The following SLC24A1 variants were observed in gnomAD, a reference collection of about 807,000 sequenced individuals.
SLC24A1 encodes the protein sodium/potassium/calcium exchanger 1.
In SLC24A1, 52 loss-of-function variants were observed where a neutral mutation model predicts 88.1. The ratio of observed to expected loss-of-function variants is 0.59; its 90% CI spans 0.47 to 0.74. The LOEUF (loss-of-function observed/expected upper bound fraction) is 0.74, where lower values mean the gene tolerates loss of function less well. SLC24A1 is among the 30% of genes least tolerant of loss of function. SLC24A1 has a pLI of 0.00. For synonymous variants in SLC24A1, 455 were observed against 498.0 expected (o/e 0.91, Z 1.15); for missense variants, 1,173 against 1,363.3 (o/e 0.86, Z 2.20).
rs115428653 is a variant in SLC24A1 at position 65,632,965 on chromosome 15, G to A, written c.1891-5163G>A. On this transcript the variant is annotated intron_variant, in intron 2 of 9. Transcript: ENST00000261892. ...GTAAAGCAGTAGTTTACACTATCAC[G>A]TGTAATGGTATAGGTAAGTGCTGAG... Among the ~76,000 whole-genome samples the A allele has an allele frequency of 6.4e-3, 975 of 152,330 alleles. 9 individuals carry two copies. Among genetic ancestry groups the A allele is most frequent in the African/African-American group, 0.022 (931 of 41,556 alleles).
At chr15:65,653,573 A>G (rs897610651) in intron 9 of SLC24A1, among the ~76,000 whole-genome samples, 4 of 152,138 alleles carry the variant, frequency 2.6e-5, no homozygotes, top group African/African-American at 9.7e-5. Flanking sequence ...AAGTATGCAG[A>G]AAATAAAAAC....
At chr15:65,637,013 G>T (rs1282138136) in intron 2 of SLC24A1, among the ~76,000 whole-genome samples, 1 of 151,732 alleles carries the variant, frequency 6.6e-6, no homozygotes, top group African/African-American at 2.4e-5. Context: ...ACAGATAACT[G>T]TAAGTTCATT....
intron 2 of SLC24A1, among the ~76,000 whole-genome samples, chr15:65,628,933 T>C (rs2074610826): frequency 6.6e-6 from 1 of 152,230 alleles, no homozygotes; most frequent in Non-Finnish European, 1.5e-5. Flanking sequence ...AGTGAATGGA[T>C]GAGCTATGTA....
chr15:65,643,771 G>T (rs1279367618), intron 4 of SLC24A1, among the ~76,000 whole-genome samples: 1 of 152,240 alleles, frequency 6.6e-6, no homozygotes, highest in African/African-American at 2.4e-5. Flanking sequence ...TCTGAAGGAG[G>T]CCCTTCTCGG....
In SLC24A1 at chr15:65,625,725, G is replaced by A. The variant is rs754198430; in HGVS notation, c.1645G>A (p.Glu549Lys). The A allele has an allele frequency of 1.2e-6, 2 of 1,614,024 alleles. No homozygotes were observed. The highest frequency in any genetic ancestry group is 8.5e-7 in the Non-Finnish European group (1 of 1,179,900). ...VIGTCSLFSREILNLTWWPLF... is the reference protein window; with the variant it reads ...VIGTCSLFSRKILNLTWWPLF... ...TGGCACTTGTTCCCTCTTCTCCCGA[G>A]AGATCCTCAACCTCACCTGGTGGCC... Residue 549 changes from glutamate to lysine, a missense_variant, in exon 2 of 10, where the codon GAG (glutamate) becomes AAG (lysine). Physicochemically the swap from Glu to Lys is moderately conservative, Grantham distance 56. Coordinates refer to ENST00000261892, the MANE Select transcript of SLC24A1 (RefSeq NM_004727.3).
chr15:65,650,765 G>A lies in SLC24A1; in HGVS notation c.2616G>A (p.Glu872=), dbSNP rs772502851. The stretch of plus-strand genomic sequence containing the variant: ...AGGAGGAGGAAGAGCAGGAGGAAGA[G>A]GAGGAGGAGGAAGAGCAGGAGGAAG... ...EEEEEEEQEE[E]EEEEEQEEEE... is the part of the protein sequence containing the mutation. Residue 872 remains glutamate, a synonymous_variant, in exon 7 of 10, where the codon GAG becomes GAA. Transcript: ENST00000261892. The surrounding 1 kb of genome is among the most constrained non-coding windows in gnomAD (Gnocchi z 4.1). The A allele has an allele frequency of 1.9e-6, 3 of 1,603,994 alleles. No homozygotes were observed. In the South Asian group the frequency reaches 3.3e-5, roughly 18 times the overall value.
At chr15:65,638,228 AG>A (rs757821963) in intron 3 of SLC24A1, 47 bp downstream of exon 3, 1 of 1,301,146 alleles carries the variant, frequency 7.7e-7, no homozygotes, top group South Asian at 1.2e-5. Context: ...GCAGGGTCTC[AG>A]TGGATGATCA....
chr15:65,638,297 A>G (rs1024308203), intron 3 of SLC24A1, 116 bp downstream of exon 3: 4 of 750,436 alleles, frequency 5.3e-6, no homozygotes, highest in Non-Finnish European at 9.2e-6. Context: ...AGGCCTAGGA[A>G]ACTCCTGGGA....
rs763504735 is a variant in SLC24A1, at chr15:65,650,789, AGAG to A, written c.2658_2660del (p.Glu890del). 732 of 1,566,100 alleles carry A rather than the reference AGAG, an allele frequency of 4.7e-4. No homozygotes were observed. Among genetic ancestry groups the A allele is most frequent in the Admixed American group, 1.3e-3 (73 of 57,500 alleles). On this transcript the variant is annotated inframe_deletion, in exon 7 of 10. Transcript: ENST00000261892. The surrounding 1 kb of genome is among the most constrained non-coding windows in gnomAD (Gnocchi z 4.1). Reference sequence around the variant, plus strand: ...AGGAGGAGGAGGAAGAGCAGGAGGAAGAGGAGGAGGAGGAGGAGGAAGAGGAGG... The same window carrying A: ...AGGAGGAGGAGGAAGAGCAGGAGGAAGAGGAGGAGGAGGAGGAAGAGGAGG...
chr15:65,629,257 T>C (rs1471498613), intron 2 of SLC24A1, among the ~76,000 whole-genome samples: 1 of 152,228 alleles, frequency 6.6e-6, no homozygotes, highest in Non-Finnish European at 1.5e-5. Context: ...TATTCTGCCC[T>C]GAGTATCTAG....
intron 4 of SLC24A1, among the ~76,000 whole-genome samples, chr15:65,641,476 A>G (rs2075127918): frequency 6.6e-6 from 1 of 152,212 alleles, no homozygotes; most frequent in African/African-American, 2.4e-5. Context: ...AGAGAGAGAG[A>G]GAAAGGGAGA....
At chr15:65,640,123 T>G (rs1388885807) in intron 4 of SLC24A1, among the ~76,000 whole-genome samples, 4 of 152,186 alleles carry the variant, frequency 2.6e-5, no homozygotes, top group Non-Finnish European at 4.4e-5. Context: ...CCAGGCTGAC[T>G]GGCCTGGGCT....
chr15:65,623,334 A>G (rs1193249899), intron 1 of SLC24A1, among the ~76,000 whole-genome samples: 1 of 152,188 alleles, frequency 6.6e-6, no homozygotes. Flanking sequence ...GCTGGTAAGC[A>G]GCAGAACAGG....
intron 2 of SLC24A1, among the ~76,000 whole-genome samples, chr15:65,637,734 A>G (rs1013984602): frequency 6.6e-6 from 1 of 152,230 alleles, no homozygotes; most frequent in Non-Finnish European, 1.5e-5. Flanking sequence ...GGTCTATAAA[A>G]GAATTATACA....
chr15:65,652,727 G>A lies in SLC24A1; in HGVS notation c.2969G>A (p.Ser990Asn), dbSNP rs768742082. The change falls in exon 9 of 10, where the codon AGT (serine) becomes AAT (asparagine). Residue 990 changes from serine to asparagine, a missense_variant. Coordinates refer to ENST00000261892, the MANE Select transcript of SLC24A1 (RefSeq NM_004727.3). ...AGTSIPDLIT[S>N]VIVARKGLGD... ...ACATCAATTCCTGACCTCATCACCA[G>A]TGTGATTGTCGCTCGAAAAGGCCTG... 1 of 1,613,928 alleles carries A rather than the reference G, an allele frequency of 6.2e-7. No homozygotes were observed. Among genetic ancestry groups the A allele is most frequent in the Non-Finnish European group, 8.5e-7 (1 of 1,179,826 alleles).
At chr15:65,615,852 A>G (rs942298772) in intron 2 of SLC24A1, among the ~76,000 whole-genome samples, 3 of 149,040 alleles carry the variant, frequency 2.0e-5, no homozygotes, top group Admixed American at 6.6e-5. Flanking sequence ...TACATTAGTT[A>G]TTTCTCCTAA....
chr15:65,640,922 G>C (rs1224712060), intron 4 of SLC24A1, among the ~76,000 whole-genome samples: 1 of 151,880 alleles, frequency 6.6e-6, no homozygotes, highest in Non-Finnish European at 1.5e-5. Flanking sequence ...TTAGCCAGGC[G>C]TGGTGGCAGG....
chr15:65,656,249 C>G lies in SLC24A1; in HGVS notation c.*2170C>G. 1 of 985,144 alleles carries G rather than the reference C, an allele frequency of 1.0e-6. No homozygotes were observed. The highest frequency in any genetic ancestry group is 1.2e-6 in the Non-Finnish European group (1 of 829,664). The allele number at this position is 985,144 out of a possible 1,614,324, so 61.0% of individuals were successfully genotyped here. A position where few individuals can be genotyped will look rare whatever the true frequency, so the allele number is the denominator to read the frequency against. On this transcript the variant is annotated 3_prime_UTR_variant, in exon 10 of 10. Coordinates refer to ENST00000261892, the MANE Select transcript of SLC24A1 (RefSeq NM_004727.3). ...ATCCACTGAATGATTAAAACCAACT[C>G]TAATAATCTGACATCCTTTTCCCAG...
At chr15:65,651,013 C>A in intron 7 of SLC24A1, 71 bp downstream of exon 7, 2 of 1,338,954 alleles carry the variant, frequency 1.5e-6, no homozygotes, top group Non-Finnish European at 2.1e-6. Flanking sequence ...GCATGCGGGG[C>A]TCACACTCAA....
Sources: allele counts gnomAD v4.1 joint callset (sites outside exome capture counted in the v4.1 genomes callset), GRCh38; gene constraint gnomAD v4.1.1; non-coding constraint Gnocchi (gnomAD v3.1); transcripts MANE v1.5; gene names NCBI Gene and HGNC (gene_info 2026-07-23, HGNC 2026-07-21).